Variants in AP3B1 observed in about 807,000 individuals in gnomAD.
The protein encoded by AP3B1 is adaptor related protein complex 3 subunit beta 1.
Under a neutral mutation model 132.5 loss-of-function variants are expected in AP3B1, and 61 were observed. The ratio of observed to expected loss-of-function variants is 0.46; its 90% confidence interval spans 0.37 to 0.57. The LOEUF (loss-of-function observed/expected upper bound fraction) is 0.57, where lower values mean the gene tolerates loss of function less well. AP3B1 is among the 20% of genes least tolerant of loss of function. AP3B1 has a pLI of 0.00. For missense variants in AP3B1, 1,120 were observed against 1,289.4 expected (o/e 0.87, Z 2.01); for synonymous variants, 388 against 438.3 (o/e 0.89, Z 1.43).
chr5:78,039,539 G>T (rs1290595328), intron 22 of AP3B1, among the ~76,000 whole-genome samples: 1 of 152,100 alleles, frequency 6.6e-6, no homozygotes, highest in Non-Finnish European at 1.5e-5. Context: ...ACTTTGGGAG[G>T]CCGAGACGGG....
chr5:78,029,402 C>G (rs79195400), intron 24 of AP3B1, among the ~76,000 whole-genome samples: 21 of 152,086 alleles, frequency 1.4e-4, no homozygotes, highest in Non-Finnish European at 2.6e-4. Flanking sequence ...CACACACACA[C>G]GCTCACACAC....
chr5:78,258,261 T>C (rs1198027990), intron 2 of AP3B1, among the ~76,000 whole-genome samples: 5 of 152,114 alleles, frequency 3.3e-5, no homozygotes, highest in Admixed American at 6.6e-5. Context: ...AAACTATCCA[T>C]CTCACAAGAG....
chr5:78,031,855 T>C (rs574109708), intron 24 of AP3B1, among the ~76,000 whole-genome samples: 1 of 152,204 alleles, frequency 6.6e-6, no homozygotes, highest in Non-Finnish European at 1.5e-5. Context: ...TATTAAAGAA[T>C]GTATTTTCTT....
intron 2 of AP3B1, among the ~76,000 whole-genome samples, chr5:78,267,098 A>G (rs1748352050): frequency 1.3e-5 from 2 of 152,136 alleles, no homozygotes; most frequent in South Asian, 4.1e-4. Flanking sequence ...AAGTGTTTCT[A>G]TTGGTAGTAA....
At chr5:78,282,220 C>T (rs1264988764) in intron 1 of AP3B1, among the ~76,000 whole-genome samples, 4 of 152,144 alleles carry the variant, frequency 2.6e-5, no homozygotes, top group Non-Finnish European at 4.4e-5. Context: ...TGATTCCACA[C>T]CAGCAGCTGG....
At chr5:78,199,742 A>G (rs1457840330) in intron 7 of AP3B1, among the ~76,000 whole-genome samples, 1 of 152,146 alleles carries the variant, frequency 6.6e-6, no homozygotes, top group Non-Finnish European at 1.5e-5. Flanking sequence ...GTTTAATACT[A>G]TGAAGAACTC....
At chr5:78,156,554 G>A (rs1743158239) in intron 13 of AP3B1, among the ~76,000 whole-genome samples, 187 bp from the exon 14 acceptor site, 1 of 152,174 alleles carries the variant, frequency 6.6e-6, no homozygotes, top group Admixed American at 6.5e-5. Context: ...AACTAGGAGA[G>A]TTAACTTTAA....
chr5:78,100,883 G>T, intron 21 of AP3B1, 70 bp downstream of exon 21: 1 of 888,336 alleles, frequency 1.1e-6, no homozygotes, highest in Non-Finnish European at 1.8e-6. Flanking sequence ...ACATGTAAAT[G>T]AAAGGTACTA....
chr5:78,170,543 C>A (rs922705569), intron 11 of AP3B1, among the ~76,000 whole-genome samples: 7 of 152,156 alleles, frequency 4.6e-5, no homozygotes, highest in African/African-American at 1.4e-4. Context: ...CTGTTGACTG[C>A]ACAGATGTCT....
chr5:78,111,940 C>G (rs1399450895), intron 19 of AP3B1, among the ~76,000 whole-genome samples: 1 of 152,162 alleles, frequency 6.6e-6, no homozygotes, highest in Non-Finnish European at 1.5e-5. Context: ...AGAATCTGAA[C>G]TCAAGCCTGT....
intron 11 of AP3B1, among the ~76,000 whole-genome samples, chr5:78,166,231 C>G (rs1408319717): frequency 6.6e-6 from 1 of 151,676 alleles, no homozygotes; most frequent in African/African-American, 2.4e-5. Flanking sequence ...CTTAGTCTAC[C>G]TTCTTATGTC....
intron 24 of AP3B1, among the ~76,000 whole-genome samples, chr5:78,025,504 A>C (rs573589131): frequency 6.6e-6 from 1 of 152,200 alleles, no homozygotes. Flanking sequence ...GTTATGACCA[A>C]TGAATTATAA....
chr5:78,087,734 T>G, intron 22 of AP3B1: 1 of 976,724 alleles, frequency 1.0e-6, no homozygotes, highest in Non-Finnish European at 1.2e-6. Flanking sequence ...AATTACTTTG[T>G]GATGAATGAA....
rs986864083 is a variant in AP3B1 at position 78,119,346 on chromosome 5, C to T, written c.1969-3112G>A. 9.2e-5 allele frequency among the ~76,000 whole-genome samples: 14 copies of T among 152,282 alleles called. No homozygotes were observed. The East Asian group carries it at 1.4e-3, about 15-fold the overall frequency. On this transcript the variant is annotated intron_variant, in intron 17 of 26. Transcript: ENST00000255194. ...CAGAACAAAGCTGGACGGAGAATGA[C>T]GTTGACGAGCTGAGAGAAGAAGGCT...
At chr5:78,219,067 T>C (rs1403850048) in intron 6 of AP3B1, among the ~76,000 whole-genome samples, 1 of 152,128 alleles carries the variant, frequency 6.6e-6, no homozygotes, top group African/African-American at 2.4e-5. Flanking sequence ...GTCTTATCCC[T>C]ACGGTTTAGC....
chr5:78,112,293 A>C (rs1751628634), intron 19 of AP3B1, among the ~76,000 whole-genome samples: 1 of 152,164 alleles, frequency 6.6e-6, no homozygotes, highest in Non-Finnish European at 1.5e-5. Context: ...TGAAGACTGA[A>C]AAATATGTTG....
intron 14 of AP3B1, among the ~76,000 whole-genome samples, chr5:78,150,805 A>G (rs559337158): frequency 6.6e-6 from 1 of 152,284 alleles, no homozygotes; most frequent in Non-Finnish European, 1.5e-5. Context: ...CAGACTTACA[A>G]GAAGAGTAAA....
intron 22 of AP3B1, among the ~76,000 whole-genome samples, chr5:78,067,992 G>GA (rs1405578168): frequency 6.6e-6 from 1 of 151,422 alleles, no homozygotes; most frequent in African/African-American, 2.4e-5. Context: ...CTGGTTGTTT[G>GA]AAAAAAATTA....
intron 22 of AP3B1, among the ~76,000 whole-genome samples, chr5:78,048,952 T>C (rs1322021894): frequency 2.0e-5 from 3 of 152,174 alleles, no homozygotes; most frequent in Admixed American, 2.0e-4. Context: ...CTGGTAGATA[T>C]GGAGCCAGGA....
Sources: gnomAD v4.1 joint callset for allele counts (sites outside exome capture counted in the v4.1 genomes callset) on GRCh38, gnomAD v4.1.1 for gene constraint, MANE v1.5 for transcripts, NCBI Gene and HGNC (gene_info 2026-07-23, HGNC 2026-07-21) for gene names.